ASAP1: variants seen among roughly 807,000 people sequenced by gnomAD.
ASAP1 encodes arf-GAP with SH3 domain, ANK repeat and PH domain-containing protein 1.
In ASAP1, 43 loss-of-function variants were observed where a neutral mutation model predicts 145.2. The observed-to-expected ratio is 0.30, with a 90% CI of 0.23 to 0.38. The LOEUF is 0.38. ASAP1 is among the 10% of genes least tolerant of loss of function. The pLI, the probability that ASAP1 is intolerant of heterozygous loss-of-function variation, is 1.00. For synonymous variants in ASAP1, 546 were observed against 515.5 expected (o/e 1.06, Z -0.80); for missense variants, 1,018 against 1,355.3 (o/e 0.75, Z 3.91).
chr8:130,101,598 T>A, intron 24 of ASAP1, among the ~76,000 whole-genome samples: 1 of 151,670 alleles, frequency 6.6e-6, no homozygotes, highest in Non-Finnish European at 1.5e-5. Context: ...TGAGACAGGG[T>A]CTTTCTCTGT....
At chr8:130,216,059 G>GA (rs1565099117) in intron 4 of ASAP1, among the ~76,000 whole-genome samples, 1 of 148,648 alleles carries the variant, frequency 6.7e-6, no homozygotes, top group East Asian at 1.9e-4. Context: ...GAAAGAAAAG[G>GA]AAAAAGGAAA....
chr8:130,318,576 G>T lies in ASAP1; in HGVS notation c.186+39441C>A, dbSNP rs575466177. Among the ~76,000 whole-genome samples, 17 of 152,308 alleles carry T rather than the reference G, an allele frequency of 1.1e-4. No individual in the cohort carries two copies. The East Asian group carries it at 3.1e-3, about 28-fold the overall frequency. On this transcript the variant is annotated intron_variant, in intron 3 of 29. Coordinates refer to ENST00000518721, the MANE Select transcript of ASAP1 (RefSeq NM_018482.4). ...CCTAGCTAAGGGCAAATGACACAGCGAATTAAAACATTTACTGTTCACTCT... is the reference window on the plus strand; with the variant it reads ...CCTAGCTAAGGGCAAATGACACAGCTAATTAAAACATTTACTGTTCACTCT...
At chr8:130,171,093 T>G (rs1813568835) in intron 9 of ASAP1, among the ~76,000 whole-genome samples, 1 of 152,218 alleles carries the variant, frequency 6.6e-6, no homozygotes, top group African/African-American at 2.4e-5. Context: ...TATAGAATTT[T>G]AAAAGTTTAC....
At chr8:130,420,313 G>C (rs1329092621) in intron 1 of ASAP1, among the ~76,000 whole-genome samples, 1 of 151,286 alleles carries the variant, frequency 6.6e-6, no homozygotes, top group Non-Finnish European at 1.5e-5. Context: ...AGGATGTAGA[G>C]AAACTGGAAC....
chr8:130,155,607 A>G (rs943492697), intron 12 of ASAP1, among the ~76,000 whole-genome samples: 1 of 152,136 alleles, frequency 6.6e-6, no homozygotes, highest in Non-Finnish European at 1.5e-5. Context: ...TCGGCCTCCT[A>G]AAGTGTTGGG....
At chr8:130,112,725 GTTCT>G (rs1425813689) in intron 23 of ASAP1, among the ~76,000 whole-genome samples, 5 of 152,176 alleles carry the variant, frequency 3.3e-5, no homozygotes. Context: ...TAACGTTGAA[GTTCT>G]TTCTTTGCCT....
rs183982118 is a variant in ASAP1 at position 130,227,070 on chromosome 8, G to A, written c.259+9852C>T. On this transcript the variant is annotated intron_variant, in intron 4 of 29. Coordinates refer to ENST00000518721, the MANE Select transcript of ASAP1 (RefSeq NM_018482.4). ...CAAGCACCTACAATGGGATACAAAG[G>A]TTATTTAGTGTTTAGAATTATGGCC... Among the ~76,000 whole-genome samples the A allele has an allele frequency of 2.5e-3, 385 of 152,210 alleles. 1 individual carries two copies. The highest frequency in any genetic ancestry group is 8.8e-3 in the African/African-American group (367 of 41,522).
intron 3 of ASAP1, among the ~76,000 whole-genome samples, chr8:130,269,934 C>T (rs1020829315): frequency 3.9e-5 from 6 of 152,154 alleles, no homozygotes; most frequent in South Asian, 2.1e-4. Flanking sequence ...CTTTGGGAGG[C>T]GAAGGCAGTT....
intron 3 of ASAP1, among the ~76,000 whole-genome samples, chr8:130,288,339 C>A (rs1821743622): frequency 1.3e-5 from 2 of 150,444 alleles, no homozygotes; most frequent in Non-Finnish European, 3.0e-5. Flanking sequence ...CATTCTTTTA[C>A]AAGAGCTGAT....
chr8:130,367,778 G>A (rs1827026860), intron 2 of ASAP1, among the ~76,000 whole-genome samples: 1 of 152,138 alleles, frequency 6.6e-6, no homozygotes, highest in African/African-American at 2.4e-5. Context: ...GTCTGGGTTG[G>A]GGCCCCCGTT....
intron 1 of ASAP1, among the ~76,000 whole-genome samples, chr8:130,432,572 T>C (rs1450415205): frequency 6.6e-6 from 1 of 152,114 alleles, no homozygotes; most frequent in East Asian, 1.9e-4. Context: ...CAGAATAGTC[T>C]AAAGGTAGGT....
chr8:130,400,207 A>G (rs7838539), intron 2 of ASAP1, among the ~76,000 whole-genome samples: 48,660 of 151,782 alleles, frequency 0.32, 8,559 homozygotes, highest in African/African-American at 0.46. Flanking sequence ...CACACTTTCC[A>G]CTACGCGGAC....
intron 5 of ASAP1, chr8:130,208,715 G>C (rs1816388356): frequency 1.3e-5 from 2 of 152,126 alleles, no homozygotes; most frequent in South Asian, 4.1e-4. Flanking sequence ...CAACTAGAAG[G>C]GGATGAGGCT....
chr8:130,194,678 AT>A (rs1815363407), intron 5 of ASAP1, among the ~76,000 whole-genome samples: 1 of 152,080 alleles, frequency 6.6e-6, no homozygotes, highest in Non-Finnish European at 1.5e-5. Flanking sequence ...CAGGCATTAG[AT>A]TCTCATAAAG....
chr8:130,189,696 G>A (rs571667027), intron 5 of ASAP1, among the ~76,000 whole-genome samples: 7 of 152,098 alleles, frequency 4.6e-5, no homozygotes, highest in Non-Finnish European at 8.8e-5. Flanking sequence ...TGGATCTTAT[G>A]GTAGTTCTCT....
intron 4 of ASAP1, among the ~76,000 whole-genome samples, chr8:130,225,305 C>CT (rs1817525177): frequency 6.6e-6 from 1 of 152,072 alleles, no homozygotes; most frequent in Non-Finnish European, 1.5e-5. Flanking sequence ...ATGCAAAAGA[C>CT]TTTTTTGGGT....
At chr8:130,065,997 C>T (rs2097429915) in intron 27 of ASAP1, among the ~76,000 whole-genome samples, 1 of 152,148 alleles carries the variant, frequency 6.6e-6, no homozygotes, top group Admixed American at 6.5e-5. Flanking sequence ...TTCAACTCAA[C>T]CTCCCAATAC....
intron 3 of ASAP1, among the ~76,000 whole-genome samples, chr8:130,317,501 C>A (rs1231413197): frequency 6.6e-6 from 1 of 152,290 alleles, no homozygotes; most frequent in East Asian, 1.9e-4. Context: ...AGTGAAGGGG[C>A]TGGACCTGTC....
rs182180328 is a variant in ASAP1, at chr8:130,385,241, G to A, written c.59+16644C>T. Among the ~76,000 whole-genome samples the A allele has an allele frequency of 4.5e-4, 69 of 152,280 alleles. No individual in the cohort carries two copies. The East Asian group carries it at 0.011, about 23-fold the overall frequency. ...AGCAGTTTGGGAGGCTGAGGTGGGC[G>A]GATCACTTGAGGTCAGGAGTTCCAG... On this transcript the variant is annotated intron_variant, in intron 2 of 29. Transcript: ENST00000518721.
Sources: allele counts gnomAD v4.1 joint callset (sites outside exome capture counted in the v4.1 genomes callset), GRCh38; gene constraint gnomAD v4.1.1; transcripts MANE v1.5; gene names NCBI Gene and HGNC (gene_info 2026-07-23, HGNC 2026-07-21).